RIMKLA: variants seen among roughly 807,000 people sequenced by gnomAD.
RIMKLA encodes the protein ribosomal modification protein rimK like family member A.
Under a neutral mutation model 32.7 loss-of-function variants are expected in RIMKLA, and 14 were observed. That is an observed-to-expected ratio of 0.43 (90% confidence interval 0.28 to 0.67). The LOEUF is 0.67. Among genes scored for constraint, RIMKLA ranks in the 30% least tolerant of loss-of-function variants. The pLI is 0.18. For synonymous variants in RIMKLA, 176 were observed against 204.1 expected (o/e 0.86, Z 1.18); for missense variants, 410 against 519.0 (o/e 0.79, Z 2.04).
chr1:42,393,930 G>A (rs1266715639), intron 1 of RIMKLA, among the ~76,000 whole-genome samples: 4 of 152,040 alleles, frequency 2.6e-5, no homozygotes, highest in African/African-American at 9.7e-5. Context: ...GATTACAGGC[G>A]CCTGCCACCA....
intron 1 of RIMKLA, among the ~76,000 whole-genome samples, chr1:42,389,831 G>T (rs1170518475): frequency 2.0e-5 from 3 of 151,790 alleles, no homozygotes; most frequent in African/African-American, 7.3e-5. Flanking sequence ...AAAATGTTCT[G>T]GTAGATGAAG....
chr1:42,380,926 C>G lies in RIMKLA; in HGVS notation c.-9C>G, dbSNP rs753224603. 7.1e-7 allele frequency: 1 copy of G among 1,401,164 alleles called. No individual in the cohort carries two copies. The highest frequency in any genetic ancestry group is 3.1e-5 in the East Asian group (1 of 32,754). The allele number at this position is 1,401,164 out of a possible 1,614,324, so 86.8% of individuals were successfully genotyped here. A position where few individuals can be genotyped will look rare whatever the true frequency, so the allele number is the denominator to read the frequency against. ...TCCGCGCCGCGCGGGGCGCACCGCC[C>G]TGGCCGCCATGTGCTCCCAGCTCTG... On this transcript the variant is annotated 5_prime_UTR_variant, in exon 1 of 5. Coordinates refer to ENST00000431473, the MANE Select transcript of RIMKLA (RefSeq NM_173642.4).
In RIMKLA at chr1:42,421,075, C is replaced by G. The variant is rs1396316383; in HGVS notation, c.*6101C>G. 6.6e-6 allele frequency: 1 copy of G among 152,246 alleles called. No homozygotes were observed. The highest frequency in any genetic ancestry group is 1.5e-5 in the Non-Finnish European group (1 of 68,110). 9.4% of individuals were successfully genotyped at this position (152,246 alleles called of 1,614,324 possible). On this transcript the variant is annotated 3_prime_UTR_variant, in exon 5 of 5. Transcript: ENST00000431473. This position sits in a 1 kb window ranked among gnomAD's most constrained non-coding sequence, Gnocchi z 4.6. ...AAAGAGCTGCTGGGGGCAGGGCTGG[C>G]GGTAGCTCAAGCATGCTGTGGTTCA...
chr1:42,404,496 A>T lies in RIMKLA; in HGVS notation c.395-15A>T. ...ATCAGCCTTACCTTCACTGACTTTC[A>T]CCTTTTCTTGGCAGGTGGGCATGAA... On this transcript the variant is annotated splice_polypyrimidine_tract_variant and intron_variant, in intron 2 of 4. Transcript: ENST00000431473. The T allele has an allele frequency of 6.3e-7, 1 of 1,591,168 alleles. No homozygotes were observed. The highest frequency in any genetic ancestry group is 1.1e-5 in the South Asian group (1 of 90,634).
intron 4 of RIMKLA, among the ~76,000 whole-genome samples, chr1:42,412,008 T>TTG (rs965402569): frequency 4.9e-4 from 75 of 152,272 alleles, no homozygotes; most frequent in African/African-American, 1.7e-3. Context: ...GTGTTGAACC[T>TTG]TGTGTGTGTG....
At chr1:42,406,783 T>C (rs1423888136) in intron 3 of RIMKLA, among the ~76,000 whole-genome samples, 2 of 152,248 alleles carry the variant, frequency 1.3e-5, no homozygotes, top group Non-Finnish European at 2.9e-5. Flanking sequence ...AGACTAATGA[T>C]GTTGAACATC....
intron 1 of RIMKLA, among the ~76,000 whole-genome samples, chr1:42,397,643 T>G (rs1643059748): frequency 2.0e-5 from 3 of 152,292 alleles, no homozygotes; most frequent in South Asian, 2.1e-4. Flanking sequence ...GAGGATCGCT[T>G]GAGCCTAGGA....
intron 1 of RIMKLA, among the ~76,000 whole-genome samples, chr1:42,388,517 GTTTTTTTTTT>G (rs35842187): frequency 7.6e-6 from 1 of 131,726 alleles, no homozygotes; most frequent in Admixed American, 7.7e-5. Context: ...CTGAAAGCTT[GTTTTTTTTTT>G]TTTTTTTTTT....
intron 1 of RIMKLA, among the ~76,000 whole-genome samples, chr1:42,388,522 T>G (rs1248460255): frequency 2.0e-5 from 3 of 148,406 alleles, no homozygotes; most frequent in Admixed American, 2.0e-4. Context: ...AGCTTGTTTT[T>G]TTTTTTTTTT....
At chr1:42,388,454 C>G (rs11210633) in intron 1 of RIMKLA, among the ~76,000 whole-genome samples, 60,148 of 151,256 alleles carry the variant, frequency 0.4, 12,587 homozygotes, top group Middle Eastern at 0.54. Context: ...ATTCACCTAT[C>G]TCGGCCTCCC....
chr1:42,407,527 G>A (rs1643158141), intron 3 of RIMKLA, among the ~76,000 whole-genome samples: 1 of 152,104 alleles, frequency 6.6e-6, no homozygotes. Flanking sequence ...GGTTCAACTT[G>A]ATTCTTTTGA....
At position 42,419,023 on chromosome 1, in the gene RIMKLA, T is replaced by C. The variant is rs575746582; in HGVS notation, c.*4049T>C. 1.3e-5 allele frequency: 2 copies of C among 152,366 alleles called. No homozygotes were observed. Among genetic ancestry groups the C allele is most frequent in the Non-Finnish European group, 2.9e-5 (2 of 68,040 alleles). 9.4% of individuals were successfully genotyped at this position (152,366 alleles called of 1,614,324 possible). A position where few individuals can be genotyped will look rare whatever the true frequency, so the allele number is the denominator to read the frequency against. On this transcript the variant is annotated 3_prime_UTR_variant, in exon 5 of 5. Coordinates refer to ENST00000431473, the MANE Select transcript of RIMKLA (RefSeq NM_173642.4). The stretch of plus-strand genomic sequence containing the variant: ...TATTTGTCACTGTCCCTAAAGTGAA[T>C]GTTCATAGATCTGGGACTGTTTTTG...
chr1:42,388,762 C>T (rs184704154), intron 1 of RIMKLA, among the ~76,000 whole-genome samples: 2 of 150,936 alleles, frequency 1.3e-5, no homozygotes, highest in Admixed American at 1.3e-4. Context: ...GTGATCCGCC[C>T]ACCTTGGCCT....
chr1:42,409,891 G>C, intron 3 of RIMKLA, 93 bp from the exon 4 acceptor site: 1 of 964,814 alleles, frequency 1.0e-6, no homozygotes, highest in Admixed American at 1.9e-5. Context: ...AGTTTAGAAA[G>C]AACTGATGAC....
intron 1 of RIMKLA, among the ~76,000 whole-genome samples, chr1:42,382,259 A>C (rs1268411397): frequency 1.3e-5 from 2 of 152,226 alleles, no homozygotes; most frequent in African/African-American, 2.4e-5. Context: ...AATCTACAAC[A>C]ATGACTATCA....
At chr1:42,403,450 A>G (rs918714597) in intron 2 of RIMKLA, among the ~76,000 whole-genome samples, 1 of 152,208 alleles carries the variant, frequency 6.6e-6, no homozygotes, top group Non-Finnish European at 1.5e-5. Flanking sequence ...TGTTCATGAC[A>G]TGGACTCTAA....
chr1:42,389,729 G>T (rs866730139), intron 1 of RIMKLA, among the ~76,000 whole-genome samples: 4 of 147,826 alleles, frequency 2.7e-5, no homozygotes, highest in African/African-American at 9.9e-5. Context: ...TGGGAGAATC[G>T]CTAGAACCTG....
intron 1 of RIMKLA, among the ~76,000 whole-genome samples, chr1:42,385,723 CTT>C: frequency 2.8e-5 from 1 of 35,420 alleles, no homozygotes; most frequent in Non-Finnish European, 5.3e-5. Flanking sequence ...CCTTCTCTTT[CTT>C]TCTTTCTTTC....
chr1:42,393,808 A>G (rs1392428014), intron 1 of RIMKLA, among the ~76,000 whole-genome samples: 2 of 152,098 alleles, frequency 1.3e-5, no homozygotes, highest in Non-Finnish European at 2.9e-5. Context: ...TTTGAGACAA[A>G]GTCTCACTCT....
Sources: allele counts gnomAD v4.1 joint callset (sites outside exome capture counted in the v4.1 genomes callset), GRCh38; gene constraint gnomAD v4.1.1; non-coding constraint Gnocchi (gnomAD v3.1); transcripts MANE v1.5; gene names NCBI Gene and HGNC (gene_info 2026-07-23, HGNC 2026-07-21).